CCDC178: variants seen among roughly 807,000 people sequenced by gnomAD.
CCDC178 encodes the protein coiled-coil domain containing 178, also known as coiled-coil domain-containing protein 178.
In CCDC178, 126 loss-of-function variants were observed where a neutral mutation model predicts 117.4. The ratio of observed to expected loss-of-function variants is 1.07; its 90% confidence interval spans 0.93 to 1.24. The LOEUF (loss-of-function observed/expected upper bound fraction) is 1.24, where lower values mean the gene tolerates loss of function less well. CCDC178 is among the 50% of genes most tolerant of loss of function. The pLI is 0.00. For missense variants in CCDC178, 1,030 were observed against 986.9 expected (o/e 1.04, Z -0.59); for synonymous variants, 283 against 313.4 (o/e 0.90, Z 1.02).
At chr18:33,194,832 G>A (rs540227223) in intron 20 of CCDC178, among the ~76,000 whole-genome samples, 2 of 149,206 alleles carry the variant, frequency 1.3e-5, no homozygotes, top group Non-Finnish European at 3.0e-5. Context: ...GAGAGACTGA[G>A]GTGGAAGAAC....
chr18:33,314,096 G>A (rs1421648888), intron 11 of CCDC178, among the ~76,000 whole-genome samples: 2 of 148,414 alleles, frequency 1.3e-5, no homozygotes, highest in African/African-American at 4.9e-5. Context: ...AGCTACTTGG[G>A]AGGCTGAGGC....
intron 21 of CCDC178, among the ~76,000 whole-genome samples, chr18:33,060,861 G>C (rs926705006): frequency 5.9e-5 from 9 of 151,892 alleles, no homozygotes; most frequent in African/African-American, 7.3e-5. Context: ...TCAAAACAAG[G>C]CACAAAAGCA....
chr18:33,316,811 T>C (rs960342237), intron 11 of CCDC178, among the ~76,000 whole-genome samples: 2 of 152,114 alleles, frequency 1.3e-5, no homozygotes, highest in African/African-American at 4.8e-5. Flanking sequence ...AGAATCTTTA[T>C]GTCTAGCTCA....
chr18:32,989,704 T>G (rs1045718763), intron 21 of CCDC178, among the ~76,000 whole-genome samples: 1 of 152,118 alleles, frequency 6.6e-6, no homozygotes, highest in African/African-American at 2.4e-5. Flanking sequence ...ATAAAAACCA[T>G]TTTTAGCTCA....
intron 20 of CCDC178, among the ~76,000 whole-genome samples, chr18:33,205,844 G>A (rs1022295441): frequency 1.3e-5 from 2 of 152,148 alleles, no homozygotes; most frequent in African/African-American, 2.4e-5. Flanking sequence ...ATAGGCCCAT[G>A]CCACCACACC....
intron 20 of CCDC178, among the ~76,000 whole-genome samples, chr18:33,113,228 G>A (rs1376884449): frequency 6.6e-6 from 1 of 151,852 alleles, no homozygotes; most frequent in Non-Finnish European, 1.5e-5. Context: ...TTACACTTTT[G>A]TGCACATTAA....
At chr18:33,264,959 T>C (rs1335505452) in intron 14 of CCDC178, among the ~76,000 whole-genome samples, 7 of 152,110 alleles carry the variant, frequency 4.6e-5, no homozygotes, top group African/African-American at 1.7e-4. Flanking sequence ...ACACTCTCCC[T>C]TTCCTCAAGA....
chr18:33,337,495 A>T (rs1422505943), intron 9 of CCDC178, among the ~76,000 whole-genome samples: 1 of 152,034 alleles, frequency 6.6e-6, no homozygotes, highest in African/African-American at 2.4e-5. Context: ...AGTTCTCAGG[A>T]AGAATGCTTT....
At chr18:33,320,439 T>A (rs2062490211) in intron 11 of CCDC178, among the ~76,000 whole-genome samples, 1 of 152,138 alleles carries the variant, frequency 6.6e-6, no homozygotes, top group East Asian at 1.9e-4. Context: ...AGCATTCTTA[T>A]ACACCAATAA....
At chr18:33,199,318 T>G (rs1188217628) in intron 20 of CCDC178, among the ~76,000 whole-genome samples, 2 of 152,180 alleles carry the variant, frequency 1.3e-5, no homozygotes, top group East Asian at 3.9e-4. Context: ...CTCTGCCTTC[T>G]CTCACCTATT....
intron 20 of CCDC178, among the ~76,000 whole-genome samples, chr18:33,162,323 A>C (rs920310807): frequency 5.9e-5 from 9 of 152,232 alleles, no homozygotes; most frequent in African/African-American, 1.9e-4. Context: ...CCTAAAACTT[A>C]AAGTATAATT....
chr18:33,151,875 GTA>G (rs2058345149), intron 20 of CCDC178, among the ~76,000 whole-genome samples: 1 of 152,050 alleles, frequency 6.6e-6, no homozygotes, highest in Non-Finnish European at 1.5e-5. Flanking sequence ...TCAGAATTTG[GTA>G]TCAACAACAA....
chr18:33,421,808 T>G (rs909041017), intron 2 of CCDC178, among the ~76,000 whole-genome samples: 1 of 152,088 alleles, frequency 6.6e-6, no homozygotes, highest in East Asian at 1.9e-4. Context: ...TGAGAATGAA[T>G]AGAGTCATAA....
chr18:33,330,133 G>A (rs543149075), intron 10 of CCDC178, among the ~76,000 whole-genome samples: 19 of 151,976 alleles, frequency 1.3e-4, no homozygotes, highest in African/African-American at 4.6e-4. Flanking sequence ...CTCTGAGGAA[G>A]TATTTGGGCC....
chr18:32,986,958 T>C (rs1220334307), intron 21 of CCDC178, among the ~76,000 whole-genome samples: 1 of 151,736 alleles, frequency 6.6e-6, no homozygotes, highest in Non-Finnish European at 1.5e-5. Flanking sequence ...ATTTAAAGTA[T>C]AATAAAAATA....
intron 7 of CCDC178, among the ~76,000 whole-genome samples, chr18:33,351,486 C>A (rs1826092830): frequency 6.6e-6 from 1 of 152,038 alleles, no homozygotes; most frequent in East Asian, 1.9e-4. Flanking sequence ...AGCCACTGTG[C>A]CCGGCCGTAT....
intron 20 of CCDC178, among the ~76,000 whole-genome samples, chr18:33,162,843 T>A (rs1233725427): frequency 6.6e-6 from 1 of 152,214 alleles, no homozygotes; most frequent in African/African-American, 2.4e-5. Context: ...CTGATGGGTA[T>A]GCAGGTTGAT....
chr18:33,034,252 G>C (rs562494858), intron 21 of CCDC178, among the ~76,000 whole-genome samples: 1 of 151,898 alleles, frequency 6.6e-6, no homozygotes, highest in Admixed American at 6.6e-5. Context: ...TTCTTGTCTG[G>C]GAAACATTGC....
intron 21 of CCDC178, among the ~76,000 whole-genome samples, chr18:33,049,915 C>T (rs2056715469): frequency 6.6e-6 from 1 of 151,054 alleles, no homozygotes; most frequent in Non-Finnish European, 1.5e-5. Context: ...AACCCTGTCT[C>T]TACTAAAAAT....
Sources: gnomAD v4.1 joint callset for allele counts (sites outside exome capture counted in the v4.1 genomes callset) on GRCh38, gnomAD v4.1.1 for gene constraint, MANE v1.5 for transcripts, NCBI Gene and HGNC (gene_info 2026-07-23, HGNC 2026-07-21) for gene names.